AUTS2: variants seen among roughly 807,000 people sequenced by gnomAD.
AUTS2 encodes the protein activator of transcription and developmental regulator AUTS2, also known as autism susceptibility gene 2 protein.
Under a neutral mutation model 112.4 loss-of-function variants are expected in AUTS2, and 17 were observed. That is an observed-to-expected ratio of 0.15 (90% CI 0.10 to 0.23). AUTS2 has a LOEUF of 0.23. Ranked by LOEUF, AUTS2 falls within the 10% of genes least tolerant of loss-of-function variation. AUTS2 has a pLI of 1.00. For synonymous variants in AUTS2, 751 were observed against 702.7 expected (o/e 1.07, Z -1.09); for missense variants, 1,510 against 1,701.6 (o/e 0.89, Z 1.98).
At chr7:70,247,429 C>A (rs1231484496) in intron 4 of AUTS2, among the ~76,000 whole-genome samples, 1 of 152,100 alleles carries the variant, frequency 6.6e-6, no homozygotes, top group Non-Finnish European at 1.5e-5. Context: ...GAAAAAATTT[C>A]TGGAGCTGGA....
At chr7:69,851,807 T>G (rs1306438091) in intron 1 of AUTS2, among the ~76,000 whole-genome samples, 1 of 152,252 alleles carries the variant, frequency 6.6e-6, no homozygotes, top group African/African-American at 2.4e-5. Flanking sequence ...GTTAGTATAT[T>G]GAAATACAAT....
intron 1 of AUTS2, among the ~76,000 whole-genome samples, chr7:69,745,608 C>T (rs550702056): frequency 1.7e-4 from 26 of 152,176 alleles, no homozygotes; most frequent in African/African-American, 6.0e-4. Flanking sequence ...TTCTTGCATG[C>T]AAATTTAAAA....
intron 5 of AUTS2, among the ~76,000 whole-genome samples, chr7:70,644,443 C>G (rs372556446): frequency 6.6e-6 from 1 of 152,126 alleles, no homozygotes; most frequent in African/African-American, 2.4e-5. Context: ...TCACTTCCCT[C>G]GCGGGGTCAA....
At chr7:70,724,437 T>C (rs1001902190) in intron 6 of AUTS2, among the ~76,000 whole-genome samples, 1 of 143,864 alleles carries the variant, frequency 7.0e-6, no homozygotes, top group Non-Finnish European at 1.5e-5. Context: ...TTTATTTTCA[T>C]CCTGACTTTT....
intron 6 of AUTS2, among the ~76,000 whole-genome samples, chr7:70,716,850 G>T (rs562739717): frequency 2.0e-4 from 30 of 152,078 alleles, no homozygotes; most frequent in African/African-American, 7.0e-4. Flanking sequence ...TTTTATGGGA[G>T]ATTTCATGTG....
At chr7:70,242,097 C>T (rs553692902) in intron 4 of AUTS2, among the ~76,000 whole-genome samples, 1 of 152,328 alleles carries the variant, frequency 6.6e-6, no homozygotes, top group South Asian at 2.1e-4. Flanking sequence ...GGAGGGAAGT[C>T]TTACCAGACA....
intron 1 of AUTS2, among the ~76,000 whole-genome samples, chr7:69,738,707 C>G (rs1787140310): frequency 6.6e-6 from 1 of 152,094 alleles, no homozygotes; most frequent in African/African-American, 2.4e-5. Flanking sequence ...GTTATACATG[C>G]TTATTGGTTT....
At chr7:70,415,318 C>T (rs1562944507) in intron 4 of AUTS2, among the ~76,000 whole-genome samples, 1 of 152,190 alleles carries the variant, frequency 6.6e-6, no homozygotes, top group African/African-American at 2.4e-5. Flanking sequence ...ATTATGTCAA[C>T]TGGAAAATAT....
chr7:69,835,824 A>G lies in AUTS2; in HGVS notation c.310-63462A>G, dbSNP rs138418467. ...TAGGACATTTAAAGTGTTGAATGCT[A>G]TATACAACACCCCAGAGGTGAAGAA... On this transcript the variant is annotated intron_variant, in intron 1 of 18. Transcript: ENST00000342771. 1.5e-3 allele frequency among the ~76,000 whole-genome samples: 222 copies of G among 152,346 alleles called. 1 individual carries two copies. The highest frequency in any genetic ancestry group is 4.4e-3 in the African/African-American group (184 of 41,584).
chr7:69,885,436 G>A (rs978650915), intron 1 of AUTS2, among the ~76,000 whole-genome samples: 2 of 152,106 alleles, frequency 1.3e-5, no homozygotes, highest in South Asian at 2.1e-4. Flanking sequence ...GAAGGAGTTC[G>A]GCTATTTGAC....
chr7:70,158,096 G>A (rs2129577041), intron 4 of AUTS2, among the ~76,000 whole-genome samples: 1 of 152,272 alleles, frequency 6.6e-6, no homozygotes, highest in African/African-American at 2.4e-5. Flanking sequence ...CCCAAAGTGT[G>A]GGGCCTGGTT....
In AUTS2 at chr7:70,594,773, T is replaced by A. The variant is rs145158467; in HGVS notation, c.691-103796T>A. Among the ~76,000 whole-genome samples the A allele has an allele frequency of 2.0e-5, 3 of 152,188 alleles. No homozygotes were observed. In the East Asian group the frequency reaches 5.8e-4, roughly 30 times the overall value. ...GTTCACTTTTGATGAGGAGCAGATGTGACAAGCACTAAAATGGAGTGGGCA... is the reference window on the plus strand; with the variant it reads ...GTTCACTTTTGATGAGGAGCAGATGAGACAAGCACTAAAATGGAGTGGGCA... On this transcript the variant is annotated intron_variant, in intron 5 of 18. Coordinates refer to ENST00000342771, the MANE Select transcript of AUTS2 (RefSeq NM_015570.4).
At chr7:70,729,092 C>A in intron 6 of AUTS2, 1 of 452,230 alleles carries the variant, frequency 2.2e-6, no homozygotes, top group Non-Finnish European at 4.5e-6. Flanking sequence ...CTCTTGAGAA[C>A]AGCCATTTAC....
chr7:70,274,544 G>A (rs548742961), intron 4 of AUTS2, among the ~76,000 whole-genome samples: 4 of 152,224 alleles, frequency 2.6e-5, no homozygotes, highest in Admixed American at 2.6e-4. Flanking sequence ...GCCTGCCTCA[G>A]CCTCCCAAAG....
chr7:69,916,983 T>C (rs914050378), intron 2 of AUTS2, among the ~76,000 whole-genome samples: 1 of 152,204 alleles, frequency 6.6e-6, no homozygotes, highest in Non-Finnish European at 1.5e-5. Flanking sequence ...AATTTCAACT[T>C]TCTTTATATG....
At chr7:70,430,219 T>C (rs1795597446) in intron 4 of AUTS2, among the ~76,000 whole-genome samples, 1 of 152,106 alleles carries the variant, frequency 6.6e-6, no homozygotes, top group Non-Finnish European at 1.5e-5. Flanking sequence ...AGTTGAGTGA[T>C]TGCTTGGTGA....
intron 1 of AUTS2, among the ~76,000 whole-genome samples, chr7:69,844,981 C>T (rs918433154): frequency 6.6e-6 from 1 of 152,128 alleles, no homozygotes; most frequent in African/African-American, 2.4e-5. Context: ...AAGATGCTTT[C>T]AATTATGAGT....
At chr7:69,840,022 A>T (rs1470149625) in intron 1 of AUTS2, among the ~76,000 whole-genome samples, 3 of 152,048 alleles carry the variant, frequency 2.0e-5, no homozygotes, top group Non-Finnish European at 4.4e-5. Flanking sequence ...TGCTGGTTTC[A>T]CTCTAGACCC....
intron 6 of AUTS2, among the ~76,000 whole-genome samples, chr7:70,708,269 C>T (rs946107733): frequency 2.0e-5 from 3 of 152,156 alleles, no homozygotes; most frequent in South Asian, 2.1e-4. Context: ...CCAGCTCCTC[C>T]GCAGGACCTC....
Sources: gnomAD v4.1 joint callset for allele counts (sites outside exome capture counted in the v4.1 genomes callset) on GRCh38, gnomAD v4.1.1 for gene constraint, MANE v1.5 for transcripts, NCBI Gene and HGNC (gene_info 2026-07-23, HGNC 2026-07-21) for gene names.